Variants in AHRR observed in about 807,000 individuals in gnomAD.
AHRR encodes the protein ahR repressor.
AHRR carries 28 observed loss-of-function variants against 44.0 expected under a neutral mutation model. That is an observed-to-expected ratio of 0.64 (90% CI 0.47 to 0.87). The LOEUF (loss-of-function observed/expected upper bound fraction) is 0.87, where lower values mean the gene tolerates loss of function less well. Ranked by LOEUF, AHRR falls within the 40% of genes least tolerant of loss-of-function variation. The probability of loss-of-function intolerance (pLI) is 0.00; values close to 1 mark genes in which losing one functional copy is unlikely to be tolerated. For missense variants in AHRR, 990 were observed against 953.9 expected, an observed-to-expected ratio of 1.04 and a Z score of -0.50; for synonymous variants, 434 against 407.0, an observed-to-expected ratio of 1.07 and a Z score of -0.80.
intron 4 of AHRR, chr5:403,807 G>A (rs1735136904): frequency 2.0e-6 from 3 of 1,537,910 alleles, no homozygotes; most frequent in Non-Finnish European, 2.7e-6. Flanking sequence ...GGTCTCTTGA[G>A]TTTCTCGATA....
chr5:412,573 C>A (rs1347731755), intron 4 of AHRR, among the ~76,000 whole-genome samples: 1 of 152,112 alleles, frequency 6.6e-6, no homozygotes, highest in African/African-American at 2.4e-5. Context: ...ATTAAAAAGT[C>A]ATGATCAAAG....
At chr5:328,254 G>GCTTT (rs1741783616) in intron 1 of AHRR, among the ~76,000 whole-genome samples, 1 of 76,036 alleles carries the variant, frequency 1.3e-5, no homozygotes, top group African/African-American at 5.0e-5. Flanking sequence ...ACCAACATCT[G>GCTTT]ATTTTTTTTT....
rs1386108083 is a variant in AHRR at position 437,117 on chromosome 5, G to A, written c.*2283G>A. ...TAATCCCAGCACTTTAGGAGGTCAA[G>A]GTAGGAGGATCGCTTAAGCCCAGGA... On this transcript the variant is annotated 3_prime_UTR_variant, in exon 11 of 11. Transcript: ENST00000684583. 2.0e-5 allele frequency: 3 copies of A among 152,430 alleles called. No homozygotes were observed. 9.4% of individuals were successfully genotyped at this position (152,430 alleles called of 1,614,324 possible).
intron 3 of AHRR, chr5:367,677 C>A: frequency 1.7e-6 from 1 of 599,156 alleles, no homozygotes; most frequent in Non-Finnish European, 3.0e-6. Flanking sequence ...AGGCCTTCCC[C>A]AGCCTCACTT....
intron 4 of AHRR, among the ~76,000 whole-genome samples, chr5:412,713 CTCT>C (rs201956874): frequency 3.1e-3 from 416 of 133,264 alleles, no homozygotes; most frequent in Non-Finnish European, 5.4e-3. Context: ...TTCTCTCTCT[CTCT>C]TTTTTTTTTT....
chr5:415,535 G>C (rs374743405), intron 5 of AHRR, among the ~76,000 whole-genome samples: 802 of 74,780 alleles, frequency 0.011, 60 homozygotes, highest in African/African-American at 0.03. Flanking sequence ...GGCCGAGTCT[G>C]CCTGGTCGGG....
In AHRR at chr5:372,199, G is replaced by A. The variant is rs567073244; in HGVS notation, c.245-4411G>A. ...TCCCCCAGGGCTGGGGTGGGCTGGC[G>A]GGGCCACCCCTGCTGATCCATCCCT... On this transcript the variant is annotated intron_variant, in intron 3 of 10. Transcript: ENST00000684583. 3.5e-3 allele frequency among the ~76,000 whole-genome samples: 526 copies of A among 151,868 alleles called. 3 individuals carry two copies. The highest frequency in any genetic ancestry group is 0.012 in the African/African-American group (490 of 41,444).
chr5:325,486 C>A (rs1270463529), intron 1 of AHRR, among the ~76,000 whole-genome samples: 1 of 152,208 alleles, frequency 6.6e-6, no homozygotes, highest in Non-Finnish European at 1.5e-5. Context: ...GATGTCCTTG[C>A]AGGCTGGCCT....
At chr5:344,069 G>T in intron 2 of AHRR, 105 bp downstream of exon 2, 1 of 1,263,884 alleles carries the variant, frequency 7.9e-7, no homozygotes. Context: ...GAGCGAGGAA[G>T]GCTTCGGGAG....
At chr5:334,944 A>G (rs995742479) in intron 1 of AHRR, among the ~76,000 whole-genome samples, 2 of 151,880 alleles carry the variant, frequency 1.3e-5, no homozygotes, top group Non-Finnish European at 2.9e-5. Flanking sequence ...AAGCCTCTGT[A>G]TGTTTTATTT....
chr5:391,683 A>C (rs374398443), intron 4 of AHRR, among the ~76,000 whole-genome samples: 58 of 24,232 alleles, frequency 2.4e-3, no homozygotes, highest in Admixed American at 0.015. Flanking sequence ...CAGGGCGAGG[A>C]GGGCGCAGGG....
chr5:378,588 C>T (rs946035649), intron 4 of AHRR, among the ~76,000 whole-genome samples: 3 of 152,222 alleles, frequency 2.0e-5, no homozygotes, highest in South Asian at 4.1e-4. Context: ...GGCCACAGCC[C>T]GTGGCTTCCC....
intron 2 of AHRR, among the ~76,000 whole-genome samples, chr5:346,190 G>A (rs1742671576): frequency 6.6e-6 from 1 of 152,176 alleles, no homozygotes; most frequent in Non-Finnish European, 1.5e-5. Flanking sequence ...ATATATAAAG[G>A]GAGGAAACAT....
intron 4 of AHRR, among the ~76,000 whole-genome samples, chr5:402,647 A>G (rs960137504): frequency 6.6e-6 from 1 of 151,910 alleles, no homozygotes; most frequent in Non-Finnish European, 1.5e-5. Flanking sequence ...CGGAACTTCC[A>G]TGCAACGCAG....
At chr5:389,077 C>T (rs1463042484) in intron 4 of AHRR, among the ~76,000 whole-genome samples, 1 of 151,888 alleles carries the variant, frequency 6.6e-6, no homozygotes, top group Non-Finnish European at 1.5e-5. Flanking sequence ...GCACGATTCT[C>T]TCTCCTCAGG....
Position 423,178 on chromosome 5 carries a change from C to T in AHRR, c.571+320C>T, listed in dbSNP as rs554017868. 4.6e-5 allele frequency among the ~76,000 whole-genome samples: 7 copies of T among 152,312 alleles called. No homozygotes were observed. In the South Asian group the frequency reaches 1.5e-3, roughly 32 times the overall value. ...GGCCTCTTGTTTTGCAAACTCCCCT[C>T]AAGTCTCACGTCTGCCAGGAAGTTT... On this transcript the variant is annotated intron_variant, in intron 6 of 10. Transcript: ENST00000684583.
Position 435,095 on chromosome 5 carries a change from A to G in AHRR, c.*261A>G, listed in dbSNP as rs1736948737. On this transcript the variant is annotated 3_prime_UTR_variant, in exon 11 of 11. Coordinates refer to ENST00000684583, the MANE Select transcript of AHRR (RefSeq NM_001377236.1). The stretch of plus-strand genomic sequence containing the variant: ...CAGCATTTCTCTTTGAGGAATTAAA[A>G]TCTTTAGGAAAGTGATCATGGCTGG... 2 of 507,300 alleles carry G rather than the reference A, an allele frequency of 3.9e-6. No individual in the cohort carries two copies. The highest frequency in any genetic ancestry group is 6.9e-6 in the Non-Finnish European group (2 of 290,852). The allele number at this position is 507,300 out of a possible 1,614,324, so 31.4% of individuals were successfully genotyped here. A position where few individuals can be genotyped will look rare whatever the true frequency, so the allele number is the denominator to read the frequency against.
rs180836823 is a variant in AHRR at position 434,854 on chromosome 5, G to A, written c.*20G>A. On this transcript the variant is annotated 3_prime_UTR_variant, in exon 11 of 11. Transcript: ENST00000684583. ...CCATAGCGCAGTGACCACCATCCAA[G>A]CTCAGATCTGTGTGTCTACGCTCAG... The A allele has an allele frequency of 3.3e-6, 5 of 1,530,150 alleles. No individual in the cohort carries two copies. The Admixed American group carries it at 5.9e-5, about 18-fold the overall frequency. The allele number at this position is 1,530,150 out of a possible 1,614,324, so 94.8% of individuals were successfully genotyped here.
chr5:426,360 GTGGA>G (rs1466071398), intron 7 of AHRR, among the ~76,000 whole-genome samples: 1 of 149,384 alleles, frequency 6.7e-6, no homozygotes, highest in African/African-American at 2.5e-5. Context: ...AGATGGATGG[GTGGA>G]TGGATGGATG....
Sources: allele counts gnomAD v4.1 joint callset (sites outside exome capture counted in the v4.1 genomes callset), GRCh38; gene constraint gnomAD v4.1.1; transcripts MANE v1.5; gene names NCBI Gene and HGNC (gene_info 2026-07-23, HGNC 2026-07-21).